Variants in ATP1A4 observed in about 807,000 individuals in gnomAD.
The protein encoded by ATP1A4 is ATPase Na+/K+ transporting subunit alpha 4.
Under a neutral mutation model 114.3 loss-of-function variants are expected in ATP1A4, and 90 were observed. The ratio of observed to expected loss-of-function variants is 0.79; its 90% CI spans 0.66 to 0.94. The LOEUF is 0.94. Among genes scored for constraint, ATP1A4 ranks in the 40% least tolerant of loss-of-function variants. The pLI is 0.00. For synonymous variants in ATP1A4, 511 were observed against 494.1 expected, an observed-to-expected ratio of 1.03 and a Z score of -0.45; for missense variants, 1,222 against 1,313.6, an observed-to-expected ratio of 0.93 and a Z score of 1.08.
At chr1:160,159,178 T>G (rs1424656880) in intron 5 of ATP1A4, 42 bp downstream of exon 5, 1 of 1,598,684 alleles carries the variant, frequency 6.3e-7, no homozygotes, top group South Asian at 1.1e-5. Context: ...CCAAGCGTGA[T>G]CTCATGGCAG....
At chr1:160,176,709 A>G in intron 17 of ATP1A4, 107 bp downstream of exon 17, 1 of 1,467,372 alleles carries the variant, frequency 6.8e-7, no homozygotes, top group Non-Finnish European at 9.2e-7. Context: ...CTCAGCAACA[A>G]ACTGTGCTAG....
At position 160,176,612 on chromosome 1, in the gene ATP1A4, G is replaced by A. The variant is rs1331493999; in HGVS notation, c.2590+10G>A. 5 of 1,612,464 alleles carry A rather than the reference G, an allele frequency of 3.1e-6. No homozygotes were observed. Among genetic ancestry groups the A allele is most frequent in the African/African-American group, 1.3e-5 (1 of 74,894 alleles). ...GCCTATGGACAGATTGGTGCGCCCA[G>A]AGGAATGAGGGGTGGAGGGAGCAGG... On this transcript the variant is annotated intron_variant, in intron 17 of 21. Coordinates refer to ENST00000368081, the MANE Select transcript of ATP1A4 (RefSeq NM_144699.4).
intron 10 of ATP1A4, among the ~76,000 whole-genome samples, chr1:160,167,955 T>A (rs1436131324): frequency 6.6e-6 from 1 of 152,218 alleles, no homozygotes; most frequent in African/African-American, 2.4e-5. Context: ...CTTCTTTTCT[T>A]ATAAGGATGC....
At chr1:160,177,779 T>C (rs1195867928) in intron 18 of ATP1A4, 115 bp downstream of exon 18, 2 of 1,205,118 alleles carry the variant, frequency 1.7e-6, no homozygotes, top group Non-Finnish European at 2.4e-6. Context: ...CAAACAGAGC[T>C]GATGCCTTTT....
chr1:160,167,184 C>T lies in ATP1A4; in HGVS notation c.1357-94C>T, dbSNP rs1653071373. ...AGTAATTTCCCCCCAGGTACCCGCC[C>T]TCCCCATTTGTCCCCTCTCCATGTT... On this transcript the variant is annotated intron_variant, in intron 9 of 21. Coordinates refer to ENST00000368081, the MANE Select transcript of ATP1A4 (RefSeq NM_144699.4). The T allele has an allele frequency of 6.4e-6, 10 of 1,559,778 alleles. 1 individual carries two copies. The highest frequency in any genetic ancestry group is 2.0e-4 in the Middle Eastern group (1 of 5,098).
chr1:160,172,140 A>G (rs6665935), intron 12 of ATP1A4, among the ~76,000 whole-genome samples: 28,727 of 152,040 alleles, frequency 0.19, 2,999 homozygotes, highest in Non-Finnish European at 0.24. Flanking sequence ...TCCCTCAGGG[A>G]TTGTTTTGAA....
intron 14 of ATP1A4, 65 bp downstream of exon 14, chr1:160,174,326 CCAAG>C: frequency 6.2e-7 from 1 of 1,602,664 alleles, no homozygotes; most frequent in Middle Eastern, 1.7e-4. Context: ...CCGTCCCAAA[CCAAG>C]CAGAGGAACA....
At chr1:160,178,950 T>C (rs1396211771) in intron 18 of ATP1A4, among the ~76,000 whole-genome samples, 1 of 152,238 alleles carries the variant, frequency 6.6e-6, no homozygotes, top group Non-Finnish European at 1.5e-5. Flanking sequence ...TGTAGCGTCA[T>C]AGAGGACACA....
chr1:160,180,694 CTTTTTTTTTTTTTTTTTTTTTTTTT>C (rs536915261), intron 18 of ATP1A4, among the ~76,000 whole-genome samples: 11 of 68,408 alleles, frequency 1.6e-4, no homozygotes, highest in African/African-American at 5.8e-4. Flanking sequence ...GCCTTCTTCC[CTTTTTTTTTTTTTTTTTTTTTTTTT>C]TTTTTTTTTT....
At chr1:160,164,532 T>A (rs1652969504) in intron 7 of ATP1A4, 108 bp downstream of exon 7, 2 of 1,175,126 alleles carry the variant, frequency 1.7e-6, no homozygotes, top group East Asian at 4.7e-5. Flanking sequence ...AGGGTCTTCC[T>A]GATATGTAAA....
intron 14 of ATP1A4, 147 bp from the exon 15 acceptor site, chr1:160,174,432 C>A (rs1208343246): frequency 1.4e-6 from 2 of 1,422,070 alleles, no homozygotes; most frequent in Admixed American, 5.0e-5. Context: ...GTTTAAATAT[C>A]TCAGGAGGAG....
intron 12 of ATP1A4, 46 bp from the exon 13 acceptor site, chr1:160,173,535 G>T (rs1391570283): frequency 6.3e-7 from 1 of 1,598,178 alleles, no homozygotes. Flanking sequence ...AAGGATCCGG[G>T]CTCTGAAGAT....
chr1:160,164,490 G>A, intron 7 of ATP1A4, 66 bp downstream of exon 7: 2 of 1,550,288 alleles, frequency 1.3e-6, no homozygotes, highest in Non-Finnish European at 1.8e-6. Context: ...GGGATCACTA[G>A]CGTCTCTTTT....
At chr1:160,165,161 G>A (rs1652984570) in intron 7 of ATP1A4, among the ~76,000 whole-genome samples, 1 of 152,042 alleles carries the variant, frequency 6.6e-6, no homozygotes, top group South Asian at 2.1e-4. Context: ...ACCTGTTGAG[G>A]GTATGCTCTA....
In ATP1A4 at chr1:160,167,383, ATTCCCTTTAATTC is replaced by A. The variant is rs1653079758; in HGVS notation, c.1464_1476del (p.Phe490ThrfsTer19). On this transcript the variant is annotated frameshift_variant, in exon 10 of 22. Transcript: ENST00000368081. LOFTEE classifies it high-confidence loss of function. ...AGAGAAAAACCCCAAGGTGGCAGAG[ATTCCCTTTAATTC>A]TACCAACAAGTACCAGGTACAGAAC... 6.2e-7 allele frequency: 1 copy of A among 1,612,368 alleles called. No homozygotes were observed. The highest frequency in any genetic ancestry group is 1.3e-5 in the African/African-American group (1 of 74,780).
chr1:160,177,419 C>G (rs1255292332), intron 17 of ATP1A4, 100 bp from the exon 18 acceptor site: 1 of 1,315,376 alleles, frequency 7.6e-7, no homozygotes, highest in Non-Finnish European at 1.1e-6. Flanking sequence ...CACACCAGCC[C>G]AGCCAGAAGC....
intron 18 of ATP1A4, 99 bp from the exon 19 acceptor site, chr1:160,181,585 G>T: frequency 2.5e-5 from 32 of 1,281,364 alleles, no homozygotes; most frequent in Non-Finnish European, 3.0e-5. Flanking sequence ...ATGAGGACCT[G>T]ACTCAGCCCA....
At position 160,165,534 on chromosome 1, in the gene ATP1A4, C is replaced by T. The variant is rs762770930; in HGVS notation, c.1048-994C>T. ...CAGCACTTTGGGAGGCCAAGGTGGGCGGATCACGAGGTCAGGAGATCGAGA... is the reference window on the plus strand; with the variant it reads ...CAGCACTTTGGGAGGCCAAGGTGGGTGGATCACGAGGTCAGGAGATCGAGA... On this transcript the variant is annotated intron_variant, in intron 7 of 21. Transcript: ENST00000368081. 1.4e-4 allele frequency among the ~76,000 whole-genome samples: 22 copies of T among 152,076 alleles called. 1 individual carries two copies. Among genetic ancestry groups the T allele is most frequent in the African/African-American group, 3.1e-4 (13 of 41,474 alleles).
At chr1:160,180,633 T>C (rs1653649005) in intron 18 of ATP1A4, among the ~76,000 whole-genome samples, 1 of 151,136 alleles carries the variant, frequency 6.6e-6, no homozygotes, top group Admixed American at 6.6e-5. Flanking sequence ...TGTACTCACA[T>C]TGTCCTCTGG....
Sources: gnomAD v4.1 joint callset for allele counts (sites outside exome capture counted in the v4.1 genomes callset) on GRCh38, gnomAD v4.1.1 for gene constraint, MANE v1.5 for transcripts, NCBI Gene and HGNC (gene_info 2026-07-23, HGNC 2026-07-21) for gene names.